SHROOM4: variants seen among roughly 807,000 people sequenced by gnomAD.
SHROOM4 encodes shroom family member 4.
A neutral mutation model predicts 80.3 loss-of-function variants in SHROOM4; 17 were observed. That is an observed-to-expected ratio of 0.21 (90% confidence interval 0.14 to 0.32). The LOEUF (loss-of-function observed/expected upper bound fraction) is 0.32. Ranked by LOEUF, SHROOM4 falls within the 10% of genes least tolerant of loss-of-function variation. The pLI is 1.00. For missense variants in SHROOM4, 993 were observed against 1,140.3 expected (o/e 0.87, Z 1.86); for synonymous variants, 400 against 437.5 (o/e 0.91, Z 1.07).
intron 5 of SHROOM4, among the ~76,000 whole-genome samples, chrX:50,623,627 G>A (rs1419395372): frequency 8.9e-6 from 1 of 111,843 alleles, no homozygotes; most frequent in Non-Finnish European, 1.9e-5. Context: ...TCCTCAAAAA[G>A]TTAAACAATA....
intron 1 of SHROOM4, among the ~76,000 whole-genome samples, chrX:50,737,294 G>A (rs1934518786): frequency 1.8e-5 from 2 of 110,103 alleles, no homozygotes; most frequent in Admixed American, 1.9e-4. Context: ...TAGTAAAGGA[G>A]GTACAAAGGA....
chrX:50,704,325 T>A (rs1933600107), intron 1 of SHROOM4, among the ~76,000 whole-genome samples: 1 of 112,214 alleles, frequency 8.9e-6, no homozygotes, highest in Non-Finnish European at 1.9e-5. Context: ...TAGAGAGTGA[T>A]GGGAATAATT....
In SHROOM4 at chrX:50,634,881, T is replaced by C; in HGVS notation, c.1192A>G (p.Arg398Gly). Residue 398 changes from arginine to glycine, a missense_variant, in exon 4 of 9, where the codon AGA becomes GGA. By Grantham distance (125) the Arg-to-Gly change is moderately radical (BLOSUM62 -2). Coordinates refer to ENST00000376020, the MANE Select transcript of SHROOM4 (RefSeq NM_020717.5). ...GTGGGTCCTATGAGATGTGGAGGTC[T>C]GCCAAAAGAAGCCTTAGCTAGCTCT... is the stretch of plus-strand genomic sequence containing the variant. ...SAELAKASFG[R>G]PPHLIGPTGH... The C allele has an allele frequency of 8.3e-7, 1 of 1,206,406 alleles. No homozygotes were observed. Among genetic ancestry groups the C allele is most frequent in the Non-Finnish European group, 1.1e-6 (1 of 892,485 alleles).
intron 1 of SHROOM4, among the ~76,000 whole-genome samples, chrX:50,752,887 A>G (rs1934951984): frequency 9.0e-6 from 1 of 111,656 alleles, no homozygotes; most frequent in South Asian, 3.8e-4. Context: ...CTCACTCTCC[A>G]TACTTTACAT....
At chrX:50,777,188 GA>G (rs1935529713) in intron 1 of SHROOM4, among the ~76,000 whole-genome samples, 1 of 111,347 alleles carries the variant, frequency 9.0e-6, no homozygotes, top group African/African-American at 3.3e-5. Context: ...GATGACACTA[GA>G]ATGCAGGAGA....
chrX:50,639,663 A>T (rs1170763094), intron 2 of SHROOM4, among the ~76,000 whole-genome samples: 2 of 111,482 alleles, frequency 1.8e-5, no homozygotes, highest in Non-Finnish European at 3.8e-5. Context: ...ACCTCCCAGG[A>T]GCATTCATGG....
chrX:50,578,506 C>T, the SHROOM4 span, among the ~76,000 whole-genome samples: 5 of 111,388 alleles, frequency 4.5e-5, no homozygotes, highest in Non-Finnish European at 9.4e-5. Context: ...AGGGTTTCAC[C>T]GTGTTAGCCA....
chrX:50,727,599 T>C (rs782644795), intron 1 of SHROOM4, among the ~76,000 whole-genome samples: 1 of 111,999 alleles, frequency 8.9e-6, no homozygotes, highest in Admixed American at 9.4e-5. Flanking sequence ...AGTGTAGCAC[T>C]TCCTCACTTT....
At chrX:50,657,500 T>C (rs1932353031) in intron 2 of SHROOM4, among the ~76,000 whole-genome samples, 1 of 111,089 alleles carries the variant, frequency 9.0e-6, no homozygotes, top group African/African-American at 3.3e-5. Flanking sequence ...TCTTTTTTTG[T>C]ATCTATTGAG....
chrX:50,646,830 TAAGAA>T (rs1183603970), intron 2 of SHROOM4, among the ~76,000 whole-genome samples: 31 of 109,907 alleles, frequency 2.8e-4, no homozygotes, highest in African/African-American at 9.9e-4. Flanking sequence ...GGGTAGGGAA[TAAGAA>T]AAGAAGGGAA....
chrX:50,802,850 C>T (rs782548666), intron 1 of SHROOM4, among the ~76,000 whole-genome samples: 5 of 112,033 alleles, frequency 4.5e-5, no homozygotes, highest in Non-Finnish European at 9.4e-5. Flanking sequence ...TGGCTCAAAT[C>T]CATTCACCTT....
chrX:50,806,535 A>C (rs1042892093), intron 1 of SHROOM4, among the ~76,000 whole-genome samples: 2 of 112,270 alleles, frequency 1.8e-5, no homozygotes, highest in Non-Finnish European at 3.8e-5. Flanking sequence ...CTTGGAACCC[A>C]ATCTTTAGCC....
intron 1 of SHROOM4, among the ~76,000 whole-genome samples, chrX:50,709,472 G>A (rs1047097117): frequency 8.9e-6 from 1 of 112,077 alleles, no homozygotes; most frequent in African/African-American, 3.2e-5. Context: ...CTCTTCTGAG[G>A]GTCCCAACAC....
rs997524270 is a variant in SHROOM4 at position 50,594,485 on chromosome X, A to G, written c.*2210T>C. 20 of 111,970 alleles carry G rather than the reference A, an allele frequency of 1.8e-4. No individual in the cohort carries two copies. The highest frequency in any genetic ancestry group is 1.7e-3 in the Admixed American group (18 of 10,555). The allele number at this position is 111,970 out of a possible 1,213,427, so 9.2% of individuals were successfully genotyped here. On this transcript the variant is annotated 3_prime_UTR_variant, in exon 9 of 9. Coordinates refer to ENST00000376020, the MANE Select transcript of SHROOM4 (RefSeq NM_020717.5). ...ATAGTATTTTTGGTGTCATAAACTT[A>G]AGGTACAACCAATCACATGCTGACT... is the stretch of plus-strand genomic sequence containing the variant.
chrX:50,678,317 C>T (rs1347266302), intron 2 of SHROOM4, among the ~76,000 whole-genome samples: 1 of 111,358 alleles, frequency 9.0e-6, no homozygotes, highest in Non-Finnish European at 1.9e-5. Context: ...TCTTTTGCTG[C>T]TGTATTTATA....
intron 1 of SHROOM4, among the ~76,000 whole-genome samples, chrX:50,772,008 ATGTGTG>A (rs10581172): frequency 0.32 from 32,492 of 102,620 alleles, 4,574 homozygotes; most frequent in Non-Finnish European, 0.43. Flanking sequence ...CTTGTTTTTT[ATGTGTG>A]TGTGTGTGTG....
In SHROOM4 at chrX:50,651,441, C is replaced by T. The variant is rs1932055080; in HGVS notation, c.270-13133G>A. Reference sequence around the variant, plus strand: ...TTTTGCATCCAAATTTCTATGTCCCCCAACCCCCAAATAGTGTTTTTCAAA... The same window carrying T: ...TTTTGCATCCAAATTTCTATGTCCCTCAACCCCCAAATAGTGTTTTTCAAA... On this transcript the variant is annotated intron_variant, in intron 2 of 8. Coordinates refer to ENST00000376020, the MANE Select transcript of SHROOM4 (RefSeq NM_020717.5). Among the ~76,000 whole-genome samples, 4 of 110,992 alleles carry T rather than the reference C, an allele frequency of 3.6e-5. No homozygotes were observed. The South Asian group carries it at 1.5e-3, about 42-fold the overall frequency.
intron 1 of SHROOM4, among the ~76,000 whole-genome samples, chrX:50,802,087 T>C (rs1936134403): frequency 8.9e-6 from 1 of 111,938 alleles, no homozygotes; most frequent in Non-Finnish European, 1.9e-5. Flanking sequence ...TTCTAAGTTA[T>C]ACAAAATGAA....
In SHROOM4 at chrX:50,592,422, G is replaced by A. The variant is rs1928921918; in HGVS notation, c.*4273C>T. 4.3e-6 allele frequency: 1 copy of A among 233,324 alleles called. No individual in the cohort carries two copies. The highest frequency in any genetic ancestry group is 2.9e-5 in the African/African-American group (1 of 34,365). The allele number at this position is 233,324 out of a possible 1,213,427, so 19.2% of individuals were successfully genotyped here. On this transcript the variant is annotated 3_prime_UTR_variant, in exon 9 of 9. Transcript: ENST00000376020. ...GTTCCCATTTTACAGATAAGAAAAT[G>A]ACCTCAGAAGTTGAGCTAGTAGCCC...
Sources: allele counts gnomAD v4.1 joint callset (sites outside exome capture counted in the v4.1 genomes callset), GRCh38; gene constraint gnomAD v4.1.1; transcripts MANE v1.5; gene names NCBI Gene and HGNC (gene_info 2026-07-23, HGNC 2026-07-21).